ZSCAN4: variants seen among roughly 807,000 people sequenced by gnomAD.
ZSCAN4 encodes zinc finger and SCAN domain-containing protein 4.
In ZSCAN4, 18 loss-of-function variants were observed where a neutral mutation model predicts 18.3. The observed-to-expected ratio is 0.98, with a 90% CI of 0.68 to 1.46. The LOEUF (loss-of-function observed/expected upper bound fraction) is 1.46. Ranked by LOEUF, ZSCAN4 falls within the 40% of genes most tolerant of loss-of-function variation. The pLI is 0.00. For missense variants in ZSCAN4, 498 were observed against 511.4 expected (o/e 0.97, Z 0.25); for synonymous variants, 193 against 180.3 (o/e 1.07, Z -0.57).
intron 2 of ZSCAN4, among the ~76,000 whole-genome samples, chr19:57,674,956 GTT>G (rs11303340): frequency 1.1e-3 from 146 of 128,542 alleles, no homozygotes; most frequent in Non-Finnish European, 1.6e-3. Flanking sequence ...TTCACATCAA[GTT>G]TTTTTTTTTT....
the ZSCAN4 span, among the ~76,000 whole-genome samples, chr19:57,651,816 A>G: frequency 6.6e-6 from 1 of 152,038 alleles, no homozygotes; most frequent in South Asian, 2.1e-4. Context: ...TTCTTCCACT[A>G]GGAGGCTCCA....
chr19:57,669,890 C>T (rs934537469), intron 1 of ZSCAN4, among the ~76,000 whole-genome samples: 1 of 151,890 alleles, frequency 6.6e-6, no homozygotes, highest in African/African-American at 2.4e-5. Context: ...TTGGTAGAGA[C>T]AGGGTCTTGC....
intron 2 of ZSCAN4, among the ~76,000 whole-genome samples, chr19:57,673,888 C>T (rs148764596): frequency 6.6e-6 from 1 of 152,150 alleles, no homozygotes; most frequent in East Asian, 1.9e-4. Context: ...CGAGTAGCTG[C>T]GATTACAGGC....
Position 57,674,956 on chromosome 19 carries a change from G to GTT in ZSCAN4, c.-105-1066_-105-1065dup, listed in dbSNP as rs11303340. Among the ~76,000 whole-genome samples, 1,130 of 128,552 alleles carry GTT rather than the reference G, an allele frequency of 8.8e-3. 33 individuals are homozygous for GTT. Among genetic ancestry groups the GTT allele is most frequent in the African/African-American group, 0.025 (825 of 33,574 alleles). The allele number at this position is 128,552 out of a possible 152,430, so 84.3% of individuals were successfully genotyped here. A position where few individuals can be genotyped will look rare whatever the true frequency, so the allele number is the denominator to read the frequency against. On this transcript the variant is annotated intron_variant, in intron 2 of 4. Transcript: ENST00000318203. ...CTTTATAAAATATTTTTCACATCAA[G>GTT]TTTTTTTTTTTTTTTTTTTTAAGAG...
At chr19:57,675,662 T>G (rs1433348616) in intron 2 of ZSCAN4, among the ~76,000 whole-genome samples, 2 of 152,232 alleles carry the variant, frequency 1.3e-5, no homozygotes, top group Non-Finnish European at 2.9e-5. Context: ...TTAAATGCAT[T>G]CATTGAGATG....
chr19:57,678,845 T>C (rs1265024352), exon 5 of ZSCAN4: 1 of 1,613,304 alleles, frequency 6.2e-7, no homozygotes, highest in South Asian at 1.1e-5. Flanking sequence ...ACCACCGCCA[T>C]ATGAGGACTC....
At chr19:57,651,811 C>A in the ZSCAN4 span, among the ~76,000 whole-genome samples, 3 of 152,160 alleles carry the variant, frequency 2.0e-5, no homozygotes, top group Non-Finnish European at 4.4e-5. Context: ...TCTCCTTCTT[C>A]CACTAGGAGG....
At chr19:57,665,929 C>G (rs1255820644), upstream of ZSCAN4, among the ~76,000 whole-genome samples, 2 of 150,918 alleles carry the variant, frequency 1.3e-5, no homozygotes, top group Admixed American at 1.3e-4. Context: ...AATACTGATA[C>G]TTAAAATATC....
chr19:57,674,504 AT>A (rs1294850772), intron 2 of ZSCAN4, among the ~76,000 whole-genome samples: 8 of 152,208 alleles, frequency 5.3e-5, no homozygotes, highest in African/African-American at 1.9e-4. Context: ...GACTAATTTC[AT>A]TCTTTTTTAT....
chr19:57,669,180 C>A (rs962568066), exon 1 of ZSCAN4: 1 of 151,178 alleles, frequency 6.6e-6, no homozygotes, highest in Non-Finnish European at 1.5e-5. Flanking sequence ...TCTGCCTCAG[C>A]CTCCTGAGTA....
At chr19:57,657,811 A>G in the ZSCAN4 span, among the ~76,000 whole-genome samples, 3 of 152,214 alleles carry the variant, frequency 2.0e-5, no homozygotes, top group Non-Finnish European at 4.4e-5. Flanking sequence ...AATTTAAATT[A>G]CTTATAATAC....
the ZSCAN4 span, among the ~76,000 whole-genome samples, chr19:57,661,638 T>A: frequency 1.9e-4 from 29 of 152,320 alleles, no homozygotes; most frequent in African/African-American, 6.5e-4. Context: ...TTATAAAGCC[T>A]AAATAAAATG....
intron 2 of ZSCAN4, among the ~76,000 whole-genome samples, chr19:57,671,921 C>A (rs1984035242): frequency 6.6e-6 from 1 of 152,152 alleles, no homozygotes; most frequent in South Asian, 2.1e-4. Flanking sequence ...ATTACTCCTA[C>A]CATTTTCTGA....
the ZSCAN4 span, among the ~76,000 whole-genome samples, chr19:57,661,817 C>T: frequency 6.6e-6 from 1 of 152,284 alleles, no homozygotes; most frequent in African/African-American, 2.4e-5. Context: ...CGCGGTGGCT[C>T]ACGCCTGTAA....
upstream of ZSCAN4, among the ~76,000 whole-genome samples, chr19:57,667,279 T>C (rs776767372): frequency 1.3e-5 from 2 of 152,204 alleles, no homozygotes; most frequent in Non-Finnish European, 2.9e-5. Flanking sequence ...GCTCATGCCC[T>C]TCACTCCTCC....
chr19:57,655,277 C>A, the ZSCAN4 span, among the ~76,000 whole-genome samples: 5 of 152,166 alleles, frequency 3.3e-5, no homozygotes, highest in East Asian at 9.6e-4. Context: ...TCCTAGAACA[C>A]CTGGATCCAG....
the ZSCAN4 span, among the ~76,000 whole-genome samples, chr19:57,651,967 T>C: frequency 6.6e-6 from 1 of 152,112 alleles, no homozygotes; most frequent in African/African-American, 2.4e-5. Flanking sequence ...CAGTCACCAC[T>C]GGGTAACCCT....
At chr19:57,672,230 A>G (rs1400136555) in intron 2 of ZSCAN4, among the ~76,000 whole-genome samples, 1 of 152,168 alleles carries the variant, frequency 6.6e-6, no homozygotes, top group Non-Finnish European at 1.5e-5. Flanking sequence ...TGGTTAAAGC[A>G]GTAAAGTTCT....
chr19:57,663,003 C>T, the ZSCAN4 span, among the ~76,000 whole-genome samples: 2 of 151,826 alleles, frequency 1.3e-5, no homozygotes, highest in Non-Finnish European at 2.9e-5. Flanking sequence ...CTGCCTCAGC[C>T]CCTTTTCTGC....
Sources: gnomAD v4.1 joint callset for allele counts (sites outside exome capture counted in the v4.1 genomes callset) on GRCh38, gnomAD v4.1.1 for gene constraint, MANE v1.5 for transcripts, NCBI Gene and HGNC (gene_info 2026-07-23, HGNC 2026-07-21) for gene names.